Variants in USH2A observed in about 807,000 individuals in gnomAD.
The protein encoded by USH2A is usherin, also known as Usher syndrome 2A (autosomal recessive, mild).
USH2A carries 443 observed loss-of-function variants against 538.9 expected under a neutral mutation model. That is an observed-to-expected ratio of 0.82 (90% CI 0.76 to 0.89). The LOEUF is 0.89. USH2A is among the 40% of genes least tolerant of loss of function. The pLI is 0.00. For synonymous variants in USH2A, 2,413 were observed against 2,273.5 expected, an observed-to-expected ratio of 1.06 and a Z score of -1.75; for missense variants, 6,633 against 6,324.8, an observed-to-expected ratio of 1.05 and a Z score of -1.65.
At chr1:216,344,214 A>G (rs1239745833) in intron 4 of USH2A, among the ~76,000 whole-genome samples, 1 of 152,112 alleles carries the variant, frequency 6.6e-6, no homozygotes, top group African/African-American at 2.4e-5. Flanking sequence ...TATAAAGGAC[A>G]AGAGAAAGAC....
chr1:215,857,497 A>C (rs138559975), intron 44 of USH2A, among the ~76,000 whole-genome samples: 7 of 152,332 alleles, frequency 4.6e-5, no homozygotes, highest in African/African-American at 1.7e-4. Context: ...GGGAGGAGCA[A>C]CAGGAATTTA....
intron 30 of USH2A, among the ~76,000 whole-genome samples, chr1:216,063,077 G>T (rs1443731827): frequency 6.6e-6 from 1 of 152,044 alleles, no homozygotes; most frequent in Non-Finnish European, 1.5e-5. Context: ...CTCAACAAAA[G>T]TCACCTCAGA....
chr1:216,263,904 T>C (rs1269212987), intron 11 of USH2A, among the ~76,000 whole-genome samples: 1 of 152,120 alleles, frequency 6.6e-6, no homozygotes, highest in Non-Finnish European at 1.5e-5. Context: ...TTAGAAGTGA[T>C]AAACTAAACG....
chr1:215,911,485 T>A (rs1665780629), intron 38 of USH2A, among the ~76,000 whole-genome samples: 1 of 152,018 alleles, frequency 6.6e-6, no homozygotes, highest in South Asian at 2.1e-4. Context: ...GCTTATTTCA[T>A]CTAATGTAAT....
Position 215,703,242 on chromosome 1 carries a change from T to A in USH2A, c.12067-22866A>T, listed in dbSNP as rs549688971. Among the ~76,000 whole-genome samples, 3 of 152,314 alleles carry A rather than the reference T, an allele frequency of 2.0e-5. No homozygotes were observed. The East Asian group carries it at 5.8e-4, about 30-fold the overall frequency. ...AGCTGGAGCTCTCCTGTATGAGATG[T>A]CTATGAACTCCTTCTGGGATGGGTC... is the stretch of plus-strand genomic sequence containing the variant. On this transcript the variant is annotated intron_variant, in intron 61 of 71. Transcript: ENST00000307340.
At chr1:216,292,442 G>A (rs1219507952) in intron 9 of USH2A, 72 bp from the exon 10 acceptor site, 1 of 1,496,698 alleles carries the variant, frequency 6.7e-7, no homozygotes, top group Admixed American at 1.9e-5. Context: ...GATATGTTAG[G>A]CCTTTCACCA....
chr1:215,940,951 A>G (rs950181925), intron 37 of USH2A, among the ~76,000 whole-genome samples: 9 of 151,202 alleles, frequency 6.0e-5, no homozygotes, highest in African/African-American at 2.2e-4. Context: ...ATAGATATCG[A>G]GAATCTTTAT....
In USH2A at chr1:215,759,696, T is replaced by G; in HGVS notation, c.11195A>C (p.Gln3732Pro). The G allele has an allele frequency of 1.9e-6, 3 of 1,614,066 alleles. No individual in the cohort carries two copies. Among genetic ancestry groups the G allele is most frequent in the Non-Finnish European group, 2.5e-6 (3 of 1,179,922 alleles). ...CTCCAGGTTTTTATCAGTGAAATTC[T>G]GCTCCTCACTGCCACCCAGGAAAAG... Reference protein sequence around the residue: ...NLLFLGGSEEQNFTDKNLEPN... With the variant: ...NLLFLGGSEEPNFTDKNLEPN... Residue 3732 changes from glutamine (Q) to proline (P), a missense_variant, in exon 57 of 72, where the codon CAG becomes CCG. By Grantham distance (76) the Gln-to-Pro change is moderately conservative. Transcript: ENST00000307340.
intron 11 of USH2A, among the ~76,000 whole-genome samples, chr1:216,258,607 T>C (rs1006780251): frequency 6.6e-6 from 1 of 152,036 alleles, no homozygotes; most frequent in Non-Finnish European, 1.5e-5. Flanking sequence ...CCATCTGGGA[T>C]TTCTCTCCCT....
chr1:215,954,447 A>G (rs1355881536), intron 37 of USH2A, among the ~76,000 whole-genome samples: 1 of 151,750 alleles, frequency 6.6e-6, no homozygotes, highest in Non-Finnish European at 1.5e-5. Context: ...CATCATTCTC[A>G]GCAAACTATC....
intron 6 of USH2A, 136 bp from the exon 7 acceptor site, chr1:216,324,488 T>A: frequency 1.2e-6 from 1 of 818,766 alleles, no homozygotes; most frequent in South Asian, 1.9e-5. Context: ...GTATTAGACA[T>A]CCAGAAACTT....
At position 216,246,784 on chromosome 1, in the gene USH2A, G is replaced by C. The variant is rs767078782; in HGVS notation, c.2610C>G (p.Cys870Trp). The change falls in exon 13 of 72, where the codon TGC becomes TGG. Residue 870 changes from cysteine (C) to tryptophan (W), a missense_variant. Coordinates refer to ENST00000307340, the MANE Select transcript of USH2A (RefSeq NM_206933.4). ...AGCGAAGACCTGTTACCCCTAATTTGCAAGGACATTGTCCTGTTGATTTGT... is the reference window on the plus strand; with the variant it reads ...AGCGAAGACCTGTTACCCCTAATTTCCAAGGACATTGTCCTGTTGATTTGT... ...LCNKSTGQCP[C>W]KLGVTGLRCN... is the part of the protein sequence containing the mutation. 1 of 1,614,134 alleles carries C rather than the reference G, an allele frequency of 6.2e-7. No homozygotes were observed. Among genetic ancestry groups the C allele is most frequent in the South Asian group, 1.1e-5 (1 of 91,082 alleles).
intron 4 of USH2A, among the ~76,000 whole-genome samples, chr1:216,354,789 A>C (rs1395698471): frequency 1.3e-5 from 2 of 152,084 alleles, no homozygotes. Flanking sequence ...ATCTAACTAG[A>C]GTCTTATTAC....
chr1:215,741,771 T>C (rs1319042864), intron 59 of USH2A, among the ~76,000 whole-genome samples: 1 of 152,192 alleles, frequency 6.6e-6, no homozygotes, highest in Non-Finnish European at 1.5e-5. Flanking sequence ...CAATAAGGCA[T>C]ATTGTCTGGA....
In USH2A at chr1:215,848,827, C is replaced by T. The variant is rs369891503; in HGVS notation, c.8846-2794G>A. Among the ~76,000 whole-genome samples the T allele has an allele frequency of 5.3e-4, 81 of 152,290 alleles. 4 individuals are homozygous for T. The South Asian group carries it at 0.014, about 26-fold the overall frequency. ...CAATTTTATACATGTTCCTGGTTAT[C>T]ACATGAGAAGTTCTGGGAGCAGTAC... On this transcript the variant is annotated intron_variant, in intron 44 of 71. Coordinates refer to ENST00000307340, the MANE Select transcript of USH2A (RefSeq NM_206933.4).
chr1:215,854,580 AAAGAG>A (rs1664106906), intron 44 of USH2A, among the ~76,000 whole-genome samples: 1 of 152,214 alleles, frequency 6.6e-6, no homozygotes, highest in African/African-American at 2.4e-5. Flanking sequence ...TAGGCAAAAG[AAAGAG>A]AAAAGAGAAT....
At chr1:216,313,042 C>T (rs1279638234) in intron 9 of USH2A, among the ~76,000 whole-genome samples, 5 of 152,088 alleles carry the variant, frequency 3.3e-5, no homozygotes, top group African/African-American at 7.2e-5. Context: ...AACTTTTCCA[C>T]GAACTGGGTG....
intron 4 of USH2A, among the ~76,000 whole-genome samples, chr1:216,341,689 C>T (rs1281400201): frequency 6.6e-6 from 1 of 152,054 alleles, no homozygotes; most frequent in Non-Finnish European, 1.5e-5. Flanking sequence ...AGAAATAACA[C>T]CACACTTCTA....
chr1:216,026,468 A>G lies in USH2A; in HGVS notation c.6325+19963T>C, dbSNP rs1231754445. Among the ~76,000 whole-genome samples the G allele has an allele frequency of 2.6e-5, 4 of 152,178 alleles. No individual in the cohort carries two copies. The East Asian group carries it at 5.8e-4, about 22-fold the overall frequency. ...AGGAAATAAACATTTTATCCAATGT[A>G]TGTCAAGCATTGGTACACTTCTGTG... On this transcript the variant is annotated intron_variant, in intron 32 of 71. Coordinates refer to ENST00000307340, the MANE Select transcript of USH2A (RefSeq NM_206933.4).
Sources: allele counts gnomAD v4.1 joint callset (sites outside exome capture counted in the v4.1 genomes callset), GRCh38; gene constraint gnomAD v4.1.1; transcripts MANE v1.5; gene names NCBI Gene and HGNC (gene_info 2026-07-23, HGNC 2026-07-21).